Variants in SLU7 observed in about 807,000 individuals in gnomAD.
The protein encoded by SLU7 is spliceosome associated SLU7, also known as pre-mRNA-splicing factor SLU7.
In SLU7, 60 loss-of-function variants were observed where a neutral mutation model predicts 87.0. The ratio of observed to expected loss-of-function variants is 0.69; its 90% CI spans 0.56 to 0.86. SLU7 has a LOEUF of 0.86. SLU7 is among the 40% of genes least tolerant of loss of function. The pLI, the probability that SLU7 is intolerant of heterozygous loss-of-function variation, is 0.00. For missense variants in SLU7, 507 were observed against 686.6 expected (o/e 0.74, Z 2.92); for synonymous variants, 197 against 222.0 (o/e 0.89, Z 1.00).
intron 1 of SLU7, among the ~76,000 whole-genome samples, chr5:160,417,773 C>T (rs934416809): frequency 4.9e-5 from 6 of 122,854 alleles, no homozygotes; most frequent in Non-Finnish European, 8.0e-5. Context: ...GCCTGGGCGA[C>T]AGAGCTAGAC....
chr5:160,416,949 C>T (rs537119912), intron 1 of SLU7, among the ~76,000 whole-genome samples: 1 of 152,278 alleles, frequency 6.6e-6, no homozygotes, highest in East Asian at 1.9e-4. Context: ...CCATACTGTT[C>T]TCCTGGTAAT....
At position 160,407,597 on chromosome 5, in the gene SLU7, T is replaced by A; in HGVS notation, c.1004A>T (p.Tyr335Phe). 1 of 1,613,144 alleles carries A rather than the reference T, an allele frequency of 6.2e-7. No individual in the cohort carries two copies. The highest frequency in any genetic ancestry group is 8.5e-7 in the Non-Finnish European group (1 of 1,179,668). The change falls in exon 11 of 16, where the codon TAT becomes TTT. Residue 335 changes from tyrosine (Y) to phenylalanine (F), a missense_variant. Transcript: ENST00000297151. This position sits in a 1 kb window ranked among gnomAD's most constrained non-coding sequence, Gnocchi z 4.2. ...AQTQLFAWEA[Y>F]DKGSEVHLQA... is the part of the protein sequence containing the mutation. ...TAGATGCACTTCAGATCCCTTGTCA[T>A]AGGCTTCCCATGCAAACACTAGAGT...
intron 6 of SLU7, among the ~76,000 whole-genome samples, chr5:160,410,311 T>G (rs1485908546): frequency 6.6e-6 from 1 of 152,178 alleles, no homozygotes; most frequent in Non-Finnish European, 1.5e-5. Flanking sequence ...TAAAAAATAA[T>G]TTTTTTGAGT....
chr5:160,404,586 T>C, intron 14 of SLU7, 30 bp from the exon 15 acceptor site: 1 of 1,432,614 alleles, frequency 7.0e-7, no homozygotes, highest in South Asian at 1.2e-5. Context: ...TGCAGTGTTA[T>C]TAATGTGAAA....
At chr5:160,406,871 C>G (rs2961942) in intron 11 of SLU7, among the ~76,000 whole-genome samples, 129,531 of 152,210 alleles carry the variant, frequency 0.85, 55,542 homozygotes, top group African/African-American at 0.91. Flanking sequence ...TCTTATCTTT[C>G]TATACATGCC....
At position 160,415,260 on chromosome 5, in the gene SLU7, G is replaced by A. The variant is rs757135638; in HGVS notation, c.35C>T (p.Ala12Val). The change falls in exon 2 of 16, where the codon GCA becomes GTA. Residue 12 changes from alanine (A) to valine (V), a missense_variant. Physicochemically the swap from Ala to Val is moderately conservative, Grantham distance 64. This residue lies in a region of SLU7 where 33 missense variants were observed against 37.3 expected (regional missense o/e 0.88). Transcript: ENST00000297151. Reference sequence around the variant, plus strand: ...CATTTCTTTGGACCCCGATAGGGGTGCAGCATTAACTGCATCTACAACTGT... The same window carrying A: ...CATTTCTTTGGACCCCGATAGGGGTACAGCATTAACTGCATCTACAACTGT... ...SATVVDAVNA[A>V]PLSGSKEMSL... The A allele has an allele frequency of 2.5e-6, 4 of 1,608,582 alleles. No individual in the cohort carries two copies. The highest frequency in any genetic ancestry group is 3.3e-4 in the Middle Eastern group (2 of 6,070).
In SLU7 at chr5:160,413,974, G is replaced by A; in HGVS notation, c.330C>T (p.Ser110=). The A allele has an allele frequency of 6.4e-7, 1 of 1,562,118 alleles. No homozygotes were observed. The highest frequency in any genetic ancestry group is 1.2e-5 in the South Asian group (1 of 82,252). The change falls in exon 4 of 16, where the codon TCC becomes TCT. Residue 110 remains serine, a synonymous_variant. Coordinates refer to ENST00000297151, the MANE Select transcript of SLU7 (RefSeq NM_006425.5). ...CTCCTTTGCGGTACTTAGTAATTAT[G>A]GAATTCTATAAATATATATAAAGAA... is the stretch of plus-strand genomic sequence containing the variant. ...EWYKRGVKEN[S]IITKYRKGAC...
intron 15 of SLU7, 49 bp downstream of exon 15, chr5:160,404,391 A>C: frequency 8.3e-7 from 1 of 1,204,980 alleles, no homozygotes; most frequent in Non-Finnish European, 1.2e-6. Context: ...CCCAAAAAAC[A>C]AAGAATACTG....
chr5:160,404,366 A>G lies in SLU7; in HGVS notation c.1581+74T>C. On this transcript the variant is annotated intron_variant, in intron 15 of 15. Transcript: ENST00000297151. ...GACAACAGAGCAAGACCCTGTCTCAAAAAAATAAAAACAACCCAAAAAACA... is the reference window on the plus strand; with the variant it reads ...GACAACAGAGCAAGACCCTGTCTCAGAAAAATAAAAACAACCCAAAAAACA... The G allele has an allele frequency of 4.1e-6, 4 of 979,842 alleles. No homozygotes were observed. The Admixed American group carries it at 8.4e-5, about 20-fold the overall frequency. The allele number at this position is 979,842 out of a possible 1,614,324, so 60.7% of individuals were successfully genotyped here. A position where few individuals can be genotyped will look rare whatever the true frequency, so the allele number is the denominator to read the frequency against.
chr5:160,413,918 T>G lies in SLU7; in HGVS notation c.386A>C (p.Lys129Thr), dbSNP rs569760465. ...ACENCGAMTH[K>T]KKDCFERPRR... ...ACTTACCTCAAAGCAGTCTTTCTTT[T>G]TGTGTGTCATGGCCCCACAATTTTC... is the stretch of plus-strand genomic sequence containing the variant. The change falls in exon 4 of 16, where the codon AAA becomes ACA. Residue 129 changes from lysine to threonine, a missense_variant. By Grantham distance (78) the Lys-to-Thr change is moderately conservative (BLOSUM62 -1). Around this residue, in one of 6 missense-constraint regions of SLU7, gnomAD observed 155 missense variants for 154.4 expected, o/e 1.00. Coordinates refer to ENST00000297151, the MANE Select transcript of SLU7 (RefSeq NM_006425.5). The G allele has an allele frequency of 6.3e-7, 1 of 1,598,702 alleles. No individual in the cohort carries two copies. Among genetic ancestry groups the G allele is most frequent in the South Asian group, 1.2e-5 (1 of 86,830 alleles).
Position 160,415,261 on chromosome 5 carries a change from C to G in SLU7, c.34G>C (p.Ala12Pro). Residue 12 changes from alanine (A) to proline (P), a missense_variant, in exon 2 of 16, where the codon GCA (alanine) becomes CCA (proline). Ala to Pro is a conservative substitution (Grantham distance 27). Coordinates refer to ENST00000297151, the MANE Select transcript of SLU7 (RefSeq NM_006425.5). ...SATVVDAVNA[A>P]PLSGSKEMSL... Reference sequence around the variant, plus strand: ...ATTTCTTTGGACCCCGATAGGGGTGCAGCATTAACTGCATCTACAACTGTG... The same window carrying G: ...ATTTCTTTGGACCCCGATAGGGGTGGAGCATTAACTGCATCTACAACTGTG... 6.2e-7 allele frequency: 1 copy of G among 1,607,938 alleles called. No homozygotes were observed. The highest frequency in any genetic ancestry group is 1.7e-5 in the Admixed American group (1 of 58,742).
chr5:160,417,996 C>T (rs1282758256), intron 1 of SLU7, among the ~76,000 whole-genome samples: 4 of 152,172 alleles, frequency 2.6e-5, no homozygotes, highest in Admixed American at 1.3e-4. Flanking sequence ...ACAAACCGTG[C>T]TCCCTGTAGA....
intron 3 of SLU7, 62 bp from the exon 4 acceptor site, chr5:160,414,041 ACT>A (rs1465867535): frequency 3.0e-6 from 3 of 1,007,300 alleles, no homozygotes; most frequent in East Asian, 5.4e-5. Flanking sequence ...AATAACTTTG[ACT>A]CTCATTACTA....
chr5:160,404,259 G>T (rs1764905136), intron 15 of SLU7, among the ~76,000 whole-genome samples, 181 bp downstream of exon 15: 1 of 152,158 alleles, frequency 6.6e-6, no homozygotes, highest in Non-Finnish European at 1.5e-5. Context: ...CGGCTACTTG[G>T]GACACTGAGG....
chr5:160,407,991 A>G lies in SLU7; in HGVS notation c.897T>C (p.Asn299=). The G allele has an allele frequency of 6.2e-7, 1 of 1,612,298 alleles. No individual in the cohort carries two copies. The highest frequency in any genetic ancestry group is 8.5e-7 in the Non-Finnish European group (1 of 1,178,472). The change falls in exon 9 of 16, where the codon AAT becomes AAC. Residue 299 remains asparagine (N), a synonymous_variant. Coordinates refer to ENST00000297151, the MANE Select transcript of SLU7 (RefSeq NM_006425.5). This position sits in a 1 kb window ranked among gnomAD's most constrained non-coding sequence, Gnocchi z 4.2. ...TRAMRENPYA[N]AGKNPDEVSY... ...CTTACTCATCTGGATTCTTTCCTGC[A>G]TTGGCATAAGGATTCTCTCTCATTG... is the stretch of plus-strand genomic sequence containing the variant.
intron 1 of SLU7, 25 bp from the exon 2 acceptor site, chr5:160,415,335 G>A: frequency 6.6e-7 from 1 of 1,507,450 alleles, no homozygotes; most frequent in Admixed American, 2.4e-5. Context: ...GAAACTTACA[G>A]TAAAAAGTAG....
intron 5 of SLU7, 83 bp from the exon 6 acceptor site, chr5:160,412,602 T>C: frequency 1.3e-6 from 1 of 779,526 alleles, no homozygotes. Flanking sequence ...CCACCTAAAT[T>C]TTTATATATT....
At chr5:160,412,783 C>T (rs1376355307) in intron 5 of SLU7, among the ~76,000 whole-genome samples, 1 of 152,034 alleles carries the variant, frequency 6.6e-6, no homozygotes, top group Admixed American at 6.6e-5. Context: ...TAGTAAATTG[C>T]AGGGAGCAAG....
chr5:160,405,491 T>C (rs1764969687), intron 12 of SLU7, among the ~76,000 whole-genome samples: 1 of 152,210 alleles, frequency 6.6e-6, no homozygotes, highest in Non-Finnish European at 1.5e-5. Context: ...GTTCTCCAGT[T>C]TGTACAATTT....
Sources: allele counts gnomAD v4.1 joint callset (sites outside exome capture counted in the v4.1 genomes callset), GRCh38; gene constraint gnomAD v4.1.1; regional missense constraint gnomAD v4.1.1; non-coding constraint Gnocchi (gnomAD v3.1); transcripts MANE v1.5; gene names NCBI Gene and HGNC (gene_info 2026-07-23, HGNC 2026-07-21).